Variants in SLC9A8 observed in about 807,000 individuals in gnomAD.
SLC9A8 encodes the protein sodium/hydrogen exchanger 8.
SLC9A8 carries 48 observed loss-of-function variants against 66.6 expected under a neutral mutation model. The ratio of observed to expected loss-of-function variants is 0.72; its 90% confidence interval spans 0.57 to 0.92. The LOEUF (loss-of-function observed/expected upper bound fraction) is 0.92. Ranked by LOEUF, SLC9A8 falls within the 40% of genes least tolerant of loss-of-function variation. The pLI, the probability that SLC9A8 is intolerant of heterozygous loss-of-function variation, is 0.00. For missense variants in SLC9A8, 599 were observed against 747.3 expected (o/e 0.80, Z 2.31); for synonymous variants, 274 against 282.6 (o/e 0.97, Z 0.31).
chr20:49,830,155 G>A (rs950442409), intron 3 of SLC9A8: 5 of 754,624 alleles, frequency 6.6e-6, no homozygotes, highest in African/African-American at 3.4e-5. Flanking sequence ...TTGAAAATAT[G>A]TGAAGAGGAA....
intron 3 of SLC9A8, among the ~76,000 whole-genome samples, chr20:49,833,817 ATCC>A (rs2087313400): frequency 6.6e-6 from 1 of 152,190 alleles, no homozygotes; most frequent in Non-Finnish European, 1.5e-5. Flanking sequence ...ATTGCTCCTG[ATCC>A]TCTGAATGAA....
intron 10 of SLC9A8, 93 bp downstream of exon 10, chr20:49,864,937 A>G: frequency 1.2e-6 from 1 of 809,592 alleles, no homozygotes; most frequent in Non-Finnish European, 2.2e-6. Context: ...TTTAGTCACA[A>G]GAGACAGTCA....
At chr20:49,823,311 A>G (rs1164293788) in intron 3 of SLC9A8, among the ~76,000 whole-genome samples, 170 bp downstream of exon 3, 1 of 152,148 alleles carries the variant, frequency 6.6e-6, no homozygotes, top group African/African-American at 2.4e-5. Context: ...AGATGAGGAC[A>G]CTGGGGCTCA....
intron 3 of SLC9A8, among the ~76,000 whole-genome samples, chr20:49,837,028 A>G (rs2087564227): frequency 6.6e-6 from 1 of 152,206 alleles, no homozygotes; most frequent in Admixed American, 6.5e-5. Context: ...GTACACAAGA[A>G]AATTCCTTGT....
At chr20:49,854,977 G>A (rs2088410542) in intron 7 of SLC9A8, among the ~76,000 whole-genome samples, 1 of 152,228 alleles carries the variant, frequency 6.6e-6, no homozygotes, top group African/African-American at 2.4e-5. Flanking sequence ...CACTGGGGTT[G>A]CTGCTGCTTT....
intron 2 of SLC9A8, among the ~76,000 whole-genome samples, chr20:49,819,531 C>CT (rs569950947): frequency 1.3e-4 from 20 of 148,394 alleles, no homozygotes; most frequent in South Asian, 4.3e-4. Flanking sequence ...CTACCTCATT[C>CT]TTTTTTTTTT....
At chr20:49,818,202 A>C (rs1173697485) in intron 2 of SLC9A8, among the ~76,000 whole-genome samples, 1 of 152,204 alleles carries the variant, frequency 6.6e-6, no homozygotes, top group East Asian at 1.9e-4. Flanking sequence ...CAGTGTTAAT[A>C]CATCTTTGGG....
chr20:49,880,235 G>A (rs1600806746), intron 12 of SLC9A8, among the ~76,000 whole-genome samples: 1 of 144,680 alleles, frequency 6.9e-6, no homozygotes, highest in East Asian at 2.0e-4. Context: ...CTGCACTCCA[G>A]CATGCGAGAC....
chr20:49,887,791 C>G (rs909773916), intron 15 of SLC9A8, 38 bp from the exon 16 acceptor site: 1 of 1,516,162 alleles, frequency 6.6e-7, no homozygotes, highest in African/African-American at 1.4e-5. Context: ...GGCCCTGCCC[C>G]TGACGCCCTG....
intron 13 of SLC9A8, among the ~76,000 whole-genome samples, chr20:49,882,352 T>G (rs1360381625): frequency 1.3e-5 from 2 of 152,158 alleles, no homozygotes; most frequent in Admixed American, 6.5e-5. Context: ...CTAGCCTACC[T>G]CCTTCCCACT....
rs1278107203 is a variant in SLC9A8, at chr20:49,812,967, G to C, written c.26+19G>C. 1.9e-5 allele frequency: 27 copies of C among 1,397,518 alleles called. No individual in the cohort carries two copies. Among genetic ancestry groups the C allele is most frequent in the Non-Finnish European group, 2.3e-5 (25 of 1,074,938 alleles). 86.6% of individuals were successfully genotyped at this position (1,397,518 alleles called of 1,614,324 possible). A position where few individuals can be genotyped will look rare whatever the true frequency, so the allele number is the denominator to read the frequency against. On this transcript the variant is annotated intron_variant, in intron 1 of 15. Coordinates refer to ENST00000361573, the MANE Select transcript of SLC9A8 (RefSeq NM_015266.3). Reference sequence around the variant, plus strand: ...AAGAGGAGTGAGTGGGCTTTTTCCCGGGCGGCGGAGGCGGCGGGGCTGGGC... The same window carrying C: ...AAGAGGAGTGAGTGGGCTTTTTCCCCGGCGGCGGAGGCGGCGGGGCTGGGC...
chr20:49,855,129 G>A (rs549761675), intron 7 of SLC9A8, among the ~76,000 whole-genome samples: 39 of 152,294 alleles, frequency 2.6e-4, no homozygotes, highest in African/African-American at 8.4e-4. Context: ...GCTCTGACCC[G>A]TGGAACTGGG....
chr20:49,816,389 T>C (rs901364899), intron 2 of SLC9A8, among the ~76,000 whole-genome samples: 1 of 150,998 alleles, frequency 6.6e-6, no homozygotes, highest in Non-Finnish European at 1.5e-5. Flanking sequence ...CACTGTACTG[T>C]AGCCTGGGCG....
At chr20:49,877,944 A>T (rs746837582) in intron 11 of SLC9A8, 37 bp from the exon 12 acceptor site, 1 of 1,418,090 alleles carries the variant, frequency 7.1e-7, no homozygotes. Flanking sequence ...GAATGAAATC[A>T]TTGGGGTTGA....
intron 7 of SLC9A8, among the ~76,000 whole-genome samples, chr20:49,852,817 A>G (rs947563941): frequency 4.6e-5 from 7 of 152,142 alleles, no homozygotes; most frequent in Non-Finnish European, 8.8e-5. Flanking sequence ...AACATGATTT[A>G]TACAAAGCAT....
intron 2 of SLC9A8, among the ~76,000 whole-genome samples, chr20:49,819,487 G>A (rs1158423232): frequency 6.6e-6 from 1 of 152,040 alleles, no homozygotes; most frequent in Non-Finnish European, 1.5e-5. Flanking sequence ...CTCACAGAAT[G>A]TCTTGGAGAT....
chr20:49,834,450 CTGTATATATATAT>C (rs2087443349), intron 3 of SLC9A8, among the ~76,000 whole-genome samples: 1 of 51,818 alleles, frequency 1.9e-5, no homozygotes, highest in Non-Finnish European at 4.5e-5. Context: ...TATATATATA[CTGTATATATATAT>C]ACTGTGTATA....
chr20:49,822,507 G>A (rs1320600457), intron 2 of SLC9A8, among the ~76,000 whole-genome samples: 1 of 152,192 alleles, frequency 6.6e-6, no homozygotes, highest in Non-Finnish European at 1.5e-5. Flanking sequence ...GTTTCTGGCT[G>A]ATCACCGTGG....
At chr20:49,867,659 C>G (rs542971121) in intron 10 of SLC9A8, among the ~76,000 whole-genome samples, 1 of 152,362 alleles carries the variant, frequency 6.6e-6, no homozygotes, top group East Asian at 1.9e-4. Flanking sequence ...GCAGTCAGCT[C>G]AGCAGGGGGC....
Sources: gnomAD v4.1 joint callset for allele counts (sites outside exome capture counted in the v4.1 genomes callset) on GRCh38, gnomAD v4.1.1 for gene constraint, MANE v1.5 for transcripts, NCBI Gene and HGNC (gene_info 2026-07-23, HGNC 2026-07-21) for gene names.